TCL1A: variants seen among roughly 807,000 people sequenced by gnomAD.
The protein encoded by TCL1A is T-cell leukemia/lymphoma protein 1A.
Under a neutral mutation model 16.9 loss-of-function variants are expected in TCL1A, and 9 were observed. The ratio of observed to expected loss-of-function variants is 0.53; its 90% CI spans 0.32 to 0.93. The LOEUF is 0.93. TCL1A is among the 40% of genes least tolerant of loss of function. TCL1A has a pLI of 0.04. For missense variants in TCL1A, 139 were observed against 153.0 expected (o/e 0.91, Z 0.48); for synonymous variants, 69 against 63.2 (o/e 1.09, Z -0.44).
At chr14:95,712,486 C>T (rs1886385008) in intron 1 of TCL1A, 90 bp from the exon 2 acceptor site, 2 of 1,525,644 alleles carry the variant, frequency 1.3e-6, no homozygotes, top group Middle Eastern at 2.1e-4. Flanking sequence ...TCCTGCCAGC[C>T]ATCCACCCAT....
At chr14:95,711,297 A>G (rs112533660) in intron 3 of TCL1A, 118 of 133,398 alleles carry the variant, frequency 8.8e-4, no homozygotes, top group African/African-American at 3.4e-3. Context: ...GTCTCTACTA[A>G]AAAAAAAAAA....
intron 3 of TCL1A, among the ~76,000 whole-genome samples, chr14:95,711,295 T>TAAAA (rs1163643091): frequency 2.0e-4 from 16 of 79,766 alleles, no homozygotes; most frequent in African/African-American, 7.7e-4. Flanking sequence ...CCGTCTCTAC[T>TAAAA]AAAAAAAAAA....
At chr14:95,713,704 G>C (rs1005288414) in intron 1 of TCL1A, among the ~76,000 whole-genome samples, 5 of 152,286 alleles carry the variant, frequency 3.3e-5, no homozygotes, top group East Asian at 3.9e-4. Context: ...CAACATTATA[G>C]TCACACTCCA....
At chr14:95,711,992 C>T (rs1886368935) in intron 2 of TCL1A, 190 bp from the exon 3 acceptor site, 10 of 874,682 alleles carry the variant, frequency 1.1e-5, no homozygotes, top group Admixed American at 1.0e-4. Flanking sequence ...GAGATGTCTT[C>T]CTGCGGCTAG....
At chr14:95,711,585 G>T (rs923779946) in intron 3 of TCL1A, 164 bp downstream of exon 3, 1 of 699,254 alleles carries the variant, frequency 1.4e-6, no homozygotes, top group Non-Finnish European at 2.4e-6. Flanking sequence ...TCCCGAAGTG[G>T]TAAGGGAGAC....
chr14:95,712,344 A>C lies in TCL1A; in HGVS notation c.173T>G (p.Leu58Arg). Reference sequence around the variant, plus strand: ...CTGGGTGGGGGTCATAGGCCTCCCCAGGACGACGTCTTCCCGACGCAAGAG... The same window carrying C: ...CTGGGTGGGGGTCATAGGCCTCCCCCGGACGACGTCTTCCCGACGCAAGAG... Reference protein sequence around the residue: ...RVLLRREDVVLGRPMTPTQIG... With the variant: ...RVLLRREDVVRGRPMTPTQIG... The change falls in exon 2 of 4, where the codon CTG becomes CGG. Residue 58 changes from leucine to arginine, a missense_variant. Coordinates refer to ENST00000402399, the MANE Select transcript of TCL1A (RefSeq NM_021966.3). 1 of 1,613,948 alleles carries C rather than the reference A, an allele frequency of 6.2e-7. No individual in the cohort carries two copies. The highest frequency in any genetic ancestry group is 1.1e-5 in the South Asian group (1 of 91,074).
intron 1 of TCL1A, among the ~76,000 whole-genome samples, chr14:95,712,991 T>C (rs1886407004): frequency 1.3e-5 from 2 of 152,336 alleles, no homozygotes; most frequent in African/African-American, 2.4e-5. Context: ...CCACTGAATC[T>C]TCAAATTATT....
chr14:95,713,679 A>C, intron 1 of TCL1A, among the ~76,000 whole-genome samples: 1 of 152,306 alleles, frequency 6.6e-6, no homozygotes, highest in East Asian at 1.9e-4. Context: ...AAGCCCAGAA[A>C]ATGCCTGCTG....
intron 1 of TCL1A, among the ~76,000 whole-genome samples, chr14:95,713,414 A>C (rs1226770621): frequency 6.6e-6 from 1 of 152,190 alleles, no homozygotes; most frequent in Admixed American, 6.5e-5. Context: ...ATCACACATT[A>C]AAAAAGTCAA....
intron 1 of TCL1A, among the ~76,000 whole-genome samples, chr14:95,713,377 A>C (rs1566747464): frequency 6.6e-6 from 1 of 152,242 alleles, no homozygotes; most frequent in African/African-American, 2.4e-5. Context: ...CAAAAACTTA[A>C]CATGGATTAA....
Position 95,714,119 on chromosome 14 carries a change from G to A in TCL1A, c.-53C>T. ...GAGCCAGAGCCTCTCAAGGCCGCTCGCTGGTCCCTGGGATGTGGGGCCGAC... is the reference window on the plus strand; with the variant it reads ...GAGCCAGAGCCTCTCAAGGCCGCTCACTGGTCCCTGGGATGTGGGGCCGAC... On this transcript the variant is annotated 5_prime_UTR_variant, in exon 1 of 4. Coordinates refer to ENST00000402399, the MANE Select transcript of TCL1A (RefSeq NM_021966.3). The A allele has an allele frequency of 9.4e-6, 15 of 1,602,220 alleles. No homozygotes were observed. The highest frequency in any genetic ancestry group is 8.8e-5 in the South Asian group (8 of 90,468).
rs112098209 is a variant in TCL1A, at chr14:95,712,510, C to T, written c.121-114G>A. The T allele has an allele frequency of 1.4e-4, 209 of 1,500,634 alleles. No homozygotes were observed. In the African/African-American group the frequency reaches 1.7e-3, roughly 12 times the overall value. 93.0% of individuals were successfully genotyped at this position (1,500,634 alleles called of 1,614,324 possible). A position where few individuals can be genotyped will look rare whatever the true frequency, so the allele number is the denominator to read the frequency against. On this transcript the variant is annotated intron_variant, in intron 1 of 3. Transcript: ENST00000402399. ...CCATCCACCCATCTGGGCAGGGGTC[C>T]GAGTGTGAAATGATGGTCATCACTG...
chr14:95,711,288 T>G (rs1595065344), intron 3 of TCL1A, among the ~76,000 whole-genome samples: 1 of 126,990 alleles, frequency 7.9e-6, no homozygotes, highest in Non-Finnish European at 1.6e-5. Flanking sequence ...TGAAACCCCG[T>G]CTCTACTAAA....
chr14:95,711,688 G>C (rs1886357155), intron 3 of TCL1A, 61 bp downstream of exon 3: 64 of 1,578,006 alleles, frequency 4.1e-5, no homozygotes, highest in Non-Finnish European at 5.3e-5. Flanking sequence ...GAGAAGGGGT[G>C]GTCTTTCTTT....
chr14:95,714,087 G>A lies in TCL1A; in HGVS notation c.-21C>T. 3 of 1,612,524 alleles carry A rather than the reference G, an allele frequency of 1.9e-6. No individual in the cohort carries two copies. The highest frequency in any genetic ancestry group is 2.5e-6 in the Non-Finnish European group (3 of 1,179,884). ...GCCATGGCGTCCTCGGGCCGCCTAAGAAGCAAGAGCCAGAGCCTCTCAAGG... is the reference window on the plus strand; with the variant it reads ...GCCATGGCGTCCTCGGGCCGCCTAAAAAGCAAGAGCCAGAGCCTCTCAAGG... On this transcript the variant is annotated 5_prime_UTR_variant, in exon 1 of 4. Coordinates refer to ENST00000402399, the MANE Select transcript of TCL1A (RefSeq NM_021966.3).
At chr14:95,712,457 C>A in intron 1 of TCL1A, 61 bp from the exon 2 acceptor site, 1 of 1,538,866 alleles carries the variant, frequency 6.5e-7, no homozygotes, top group Non-Finnish European at 8.7e-7. Flanking sequence ...CTTCTCCAGG[C>A]GCAGAAAACC....
intron 1 of TCL1A, among the ~76,000 whole-genome samples, chr14:95,713,007 A>G (rs908417364): frequency 6.6e-6 from 1 of 152,138 alleles, no homozygotes; most frequent in African/African-American, 2.4e-5. Flanking sequence ...TTATTTCTTC[A>G]AATTTTGATT....
intron 1 of TCL1A, among the ~76,000 whole-genome samples, 158 bp downstream of exon 1, chr14:95,713,789 C>G (rs534549460): frequency 6.6e-6 from 1 of 152,324 alleles, no homozygotes; most frequent in African/African-American, 2.4e-5. Flanking sequence ...TGGAGAACTC[C>G]TATTCATCCT....
At chr14:95,713,688 T>G (rs546816096) in intron 1 of TCL1A, among the ~76,000 whole-genome samples, 2 of 152,226 alleles carry the variant, frequency 1.3e-5, no homozygotes, top group African/African-American at 4.8e-5. Flanking sequence ...AAATGCCTGC[T>G]GTAGTCAACA....
Sources: gnomAD v4.1 joint callset for allele counts (sites outside exome capture counted in the v4.1 genomes callset) on GRCh38, gnomAD v4.1.1 for gene constraint, MANE v1.5 for transcripts, NCBI Gene and HGNC (gene_info 2026-07-23, HGNC 2026-07-21) for gene names.